The following ROR1 variants were observed in gnomAD, a reference collection of about 807,000 sequenced individuals.
ROR1 encodes the protein ROR family WNT receptor 1.
A neutral mutation model predicts 78.8 loss-of-function variants in ROR1; 19 were observed. The observed-to-expected ratio is 0.24, with a 90% confidence interval of 0.17 to 0.35. The LOEUF (loss-of-function observed/expected upper bound fraction) is 0.35. ROR1 is among the 10% of genes least tolerant of loss of function. The pLI is 1.00. For missense variants in ROR1, 917 were observed against 1,177.8 expected (o/e 0.78, Z 3.24); for synonymous variants, 386 against 433.6 (o/e 0.89, Z 1.36).
At chr1:63,782,546 T>G (rs182813012) in intron 1 of ROR1, among the ~76,000 whole-genome samples, 15 of 128,678 alleles carry the variant, frequency 1.2e-4, no homozygotes, top group Admixed American at 3.5e-4. Context: ...ATTTTGAGGT[T>G]TTTTTTTTTT....
chr1:64,157,389 T>C (rs1649804871), intron 7 of ROR1, among the ~76,000 whole-genome samples: 1 of 152,150 alleles, frequency 6.6e-6, no homozygotes, highest in African/African-American at 2.4e-5. Flanking sequence ...CCTGCCTGCC[T>C]CAGCCTCCCA....
At chr1:63,887,930 A>T (rs1031361870) in intron 1 of ROR1, among the ~76,000 whole-genome samples, 1 of 152,156 alleles carries the variant, frequency 6.6e-6, no homozygotes, top group South Asian at 2.1e-4. Context: ...ACACCTTGAG[A>T]TGTGTACCAT....
chr1:64,104,157 A>C (rs894809275), intron 4 of ROR1, among the ~76,000 whole-genome samples: 2 of 152,052 alleles, frequency 1.3e-5, no homozygotes, highest in African/African-American at 4.8e-5. Flanking sequence ...CATCTTTACT[A>C]TTATTATCCC....
intron 2 of ROR1, among the ~76,000 whole-genome samples, chr1:64,031,309 G>A (rs1646658019): frequency 6.6e-6 from 1 of 152,218 alleles, no homozygotes; most frequent in South Asian, 2.1e-4. Context: ...ATGGTAATAT[G>A]CATGAGTTGT....
intron 1 of ROR1, among the ~76,000 whole-genome samples, chr1:63,974,109 A>G (rs1023420981): frequency 1.3e-5 from 2 of 152,246 alleles, no homozygotes; most frequent in Non-Finnish European, 1.5e-5. Context: ...TTAAATAAAT[A>G]CTAATTCTGG....
chr1:63,803,676 A>AC (rs1644809779), intron 1 of ROR1, among the ~76,000 whole-genome samples: 7 of 152,162 alleles, frequency 4.6e-5, no homozygotes, highest in Admixed American at 3.3e-4. Context: ...TTGACATATA[A>AC]CCCAGCCATT....
At chr1:64,030,155 A>C (rs1385376991) in intron 2 of ROR1, among the ~76,000 whole-genome samples, 1 of 152,104 alleles carries the variant, frequency 6.6e-6, no homozygotes, top group Non-Finnish European at 1.5e-5. Flanking sequence ...GGTACTCCAT[A>C]ACATTTATGA....
chr1:64,157,216 C>A (rs1649799545), intron 7 of ROR1, among the ~76,000 whole-genome samples: 1 of 152,178 alleles, frequency 6.6e-6, no homozygotes, highest in Non-Finnish European at 1.5e-5. Context: ...CAGCTCACTG[C>A]AGCCTCAACC....
intron 1 of ROR1, among the ~76,000 whole-genome samples, chr1:63,860,772 G>GAAAAAA (rs1319567628): frequency 1.7e-5 from 2 of 116,788 alleles, no homozygotes; most frequent in Non-Finnish European, 1.8e-5. Context: ...CTGTCTCGGG[G>GAAAAAA]AAAAAAAAAA....
In ROR1 at chr1:64,177,583, C is replaced by A. The variant is rs1248712459; in HGVS notation, c.1542C>A (p.Pro514=). Residue 514 remains proline (P), a synonymous_variant, in exon 9 of 9, where the codon CCC becomes CCA. Transcript: ENST00000371079. ...AGACCTTGAAAGACTATAACAACCC[C>A]CAGCAATGGACGGAATTTCAACAAG... The part of the protein sequence containing the change: ...AIKTLKDYNN[P]QQWTEFQQEA... The A allele has an allele frequency of 1.9e-6, 3 of 1,614,052 alleles. No individual in the cohort carries two copies. The highest frequency in any genetic ancestry group is 2.5e-6 in the Non-Finnish European group (3 of 1,180,046).
Position 63,774,565 on chromosome 1 carries a change from T to C in ROR1, c.91+57T>C. 1.1e-6 allele frequency: 1 copy of C among 892,854 alleles called. No homozygotes were observed. The highest frequency in any genetic ancestry group is 1.3e-6 in the Non-Finnish European group (1 of 740,820). The allele number at this position is 892,854 out of a possible 1,614,324, so 55.3% of individuals were successfully genotyped here. A position where few individuals can be genotyped will look rare whatever the true frequency, so the allele number is the denominator to read the frequency against. ...AGACCCCCTGACCCGTGGCCACCCT[T>C]CCGCCGTCCAGCCGGGCGCGGGACA... On this transcript the variant is annotated intron_variant, in intron 1 of 8. Coordinates refer to ENST00000371079, the MANE Select transcript of ROR1 (RefSeq NM_005012.4). The surrounding 1 kb of genome is among the most constrained non-coding windows in gnomAD (Gnocchi z 5.7).
intron 1 of ROR1, among the ~76,000 whole-genome samples, chr1:63,967,688 T>C (rs1557587531): frequency 6.6e-6 from 1 of 152,204 alleles, no homozygotes; most frequent in South Asian, 2.1e-4. Context: ...AATTCTGCCA[T>C]GTACTATTTG....
At chr1:64,086,428 A>G (rs1647155893) in intron 4 of ROR1, among the ~76,000 whole-genome samples, 1 of 152,232 alleles carries the variant, frequency 6.6e-6, no homozygotes, top group South Asian at 2.1e-4. Context: ...GTGCTGGTCT[A>G]GTTGTTGAGG....
At chr1:63,956,666 T>C (rs543625297) in intron 1 of ROR1, among the ~76,000 whole-genome samples, 10 of 152,296 alleles carry the variant, frequency 6.6e-5, no homozygotes, top group African/African-American at 2.4e-4. Flanking sequence ...TTGTGGAAAA[T>C]GCTTGTGGAA....
chr1:64,170,176 C>T (rs917707665), intron 8 of ROR1, among the ~76,000 whole-genome samples: 17 of 152,216 alleles, frequency 1.1e-4, no homozygotes, highest in African/African-American at 3.6e-4. Flanking sequence ...CCCTTCTACA[C>T]TGCCCTAGCA....
chr1:63,910,946 T>C (rs567902165), intron 1 of ROR1, among the ~76,000 whole-genome samples: 2 of 152,366 alleles, frequency 1.3e-5, no homozygotes, highest in Admixed American at 6.5e-5. Flanking sequence ...TTTGGTTTTT[T>C]ACGTCAGAGA....
intron 4 of ROR1, among the ~76,000 whole-genome samples, chr1:64,108,060 TTG>T (rs3084945): frequency 0.19 from 27,939 of 146,086 alleles, 2,909 homozygotes; most frequent in East Asian, 0.35. Context: ...TGTTTTCTTG[TTG>T]TGTGTGTGTG....
intron 1 of ROR1, among the ~76,000 whole-genome samples, chr1:63,946,667 T>A (rs182997169): frequency 2.8e-4 from 42 of 152,328 alleles, no homozygotes; most frequent in African/African-American, 1.0e-3. Context: ...TATATGACTA[T>A]TAAGGGTCAG....
At chr1:63,963,326 A>C (rs1056765180) in intron 1 of ROR1, among the ~76,000 whole-genome samples, 1 of 149,168 alleles carries the variant, frequency 6.7e-6, no homozygotes, top group Non-Finnish European at 1.5e-5. Flanking sequence ...CCAACACTTT[A>C]GGAGGCCGAG....
Sources: allele counts gnomAD v4.1 joint callset (sites outside exome capture counted in the v4.1 genomes callset), GRCh38; gene constraint gnomAD v4.1.1; non-coding constraint Gnocchi (gnomAD v3.1); transcripts MANE v1.5; gene names NCBI Gene and HGNC (gene_info 2026-07-23, HGNC 2026-07-21).